The following MT4 variants were observed in gnomAD, a reference collection of about 807,000 sequenced individuals.
The protein encoded by MT4 is metallothionein-4.
Under a neutral mutation model 9.5 loss-of-function variants are expected in MT4, and 11 were observed. That is an observed-to-expected ratio of 1.16 (90% CI 0.73 to 1.92). The LOEUF is 1.92. Ranked by LOEUF, MT4 falls within the 30% of genes most tolerant of loss-of-function variation. MT4 has a pLI of 0.00. For missense variants in MT4, 88 were observed against 78.7 expected, an observed-to-expected ratio of 1.12 and a Z score of -0.45; for synonymous variants, 29 against 24.6, an observed-to-expected ratio of 1.18 and a Z score of -0.53.
chr16:56,566,323 G>C (rs1959517048), intron 1 of MT4, among the ~76,000 whole-genome samples: 1 of 151,116 alleles, frequency 6.6e-6, no homozygotes, highest in Non-Finnish European at 1.5e-5. Context: ...CAAGGAATTT[G>C]AGACCAGCCT....
chr16:56,567,566 G>A (rs1177325927), intron 1 of MT4, among the ~76,000 whole-genome samples, 185 bp from the exon 2 acceptor site: 1 of 152,162 alleles, frequency 6.6e-6, no homozygotes, highest in Non-Finnish European at 1.5e-5. Context: ...CATGGCCTGT[G>A]ACTGTGGACT....
intron 2 of MT4, among the ~76,000 whole-genome samples, chr16:56,568,291 A>G (rs1282223210): frequency 7.5e-4 from 105 of 140,676 alleles, no homozygotes; most frequent in Middle Eastern, 7.0e-3. Flanking sequence ...GAAAGAAAGA[A>G]AGAAAGAAAG....
chr16:56,568,273 GAAAGAAAGAAAGAAAGAAAGAAAGAA>G (rs1959576156), intron 2 of MT4, among the ~76,000 whole-genome samples: 2 of 99,056 alleles, frequency 2.0e-5, no homozygotes, highest in Admixed American at 9.8e-5. Flanking sequence ...GAGAGAGAGA[GAAAGAAAGAAAGAAAGAAAGAAAGAA>G]AGAAAGAAAG....
chr16:56,566,012 T>A (rs896581177), intron 1 of MT4, among the ~76,000 whole-genome samples: 2 of 150,584 alleles, frequency 1.3e-5, no homozygotes, highest in Non-Finnish European at 3.0e-5. Flanking sequence ...TGCAGCAAAC[T>A]AGGAATGCAC....
chr16:56,567,880 C>A, intron 2 of MT4, 64 bp downstream of exon 2: 2 of 1,375,920 alleles, frequency 1.5e-6, no homozygotes, highest in South Asian at 1.2e-5. Context: ...AGGCCAGGTG[C>A]AGTGGCTCAC....
intron 1 of MT4, among the ~76,000 whole-genome samples, chr16:56,565,903 A>AT (rs34372171): frequency 1.3e-5 from 2 of 151,594 alleles, no homozygotes; most frequent in African/African-American, 4.8e-5. Flanking sequence ...ATGTCTACAA[A>AT]TTTTTTTTAA....
chr16:56,568,247 GAAAGAA>G (rs1330557678), intron 2 of MT4, among the ~76,000 whole-genome samples: 412 of 33,620 alleles, frequency 0.012, 14 homozygotes, highest in East Asian at 0.051. Flanking sequence ...AAGAAAGAAA[GAAAGAA>G]AGAAAGAGAG....
intron 1 of MT4, among the ~76,000 whole-genome samples, chr16:56,566,761 GGAAGGAAGGAAA>G (rs1959530382): frequency 1.7e-5 from 1 of 60,540 alleles, no homozygotes; most frequent in Admixed American, 2.2e-4. Context: ...AAGGAAGGAA[GGAAGGAAGGAAA>G]GAAAGAAAGA....
At chr16:56,565,545 C>T (rs1231135325) in intron 1 of MT4, among the ~76,000 whole-genome samples, 1 of 152,214 alleles carries the variant, frequency 6.6e-6, no homozygotes, top group Non-Finnish European at 1.5e-5. Flanking sequence ...GTTTCCTCAC[C>T]TGTAGACTGA....
At position 56,566,769 on chromosome 16, in the gene MT4, GGAAAGAAA is replaced by G. The variant is rs1162747493; in HGVS notation, c.32-937_32-930del. Among the ~76,000 whole-genome samples, 87 of 36,930 alleles carry G rather than the reference GGAAAGAAA, an allele frequency of 2.4e-3. No homozygotes were observed. The East Asian group carries it at 0.033, about 14-fold the overall frequency. The allele number at this position is 36,930 out of a possible 152,430, so 24.2% of individuals were successfully genotyped here. A position where few individuals can be genotyped will look rare whatever the true frequency, so the allele number is the denominator to read the frequency against. ...AAGAAGGAAGGAAGGAAGGAAGGAA[GGAAAGAAA>G]GAAAGAAAGAAAGAAAGAAAGAAAG... On this transcript the variant is annotated intron_variant, in intron 1 of 2. Coordinates refer to ENST00000219162, the MANE Select transcript of MT4 (RefSeq NM_032935.3).
chr16:56,568,197 AAGAGAGAGAG>A (rs369467435), intron 2 of MT4, among the ~76,000 whole-genome samples: 2 of 93,718 alleles, frequency 2.1e-5, no homozygotes, highest in South Asian at 5.1e-4. Context: ...GGAAGGAAGG[AAGAGAGAGAG>A]AGAGAGAGAA....
In MT4 at chr16:56,565,173, C is replaced by G. The variant is rs1307519634; in HGVS notation, c.31+14C>G. 6.2e-7 allele frequency: 1 copy of G among 1,610,176 alleles called. No homozygotes were observed. The highest frequency in any genetic ancestry group is 8.5e-7 in the Non-Finnish European group (1 of 1,178,282). On this transcript the variant is annotated intron_variant, in intron 1 of 2. Coordinates refer to ENST00000219162, the MANE Select transcript of MT4 (RefSeq NM_032935.3). ...TCTGCATGTCTGGTGAGTAAAGAAG[C>G]CCTCCCTGGGGTCTGGGAACCTTGG...
chr16:56,568,279 A>G (rs866609058), intron 2 of MT4, among the ~76,000 whole-genome samples: 2,766 of 108,316 alleles, frequency 0.026, 44 homozygotes, highest in Non-Finnish European at 0.031. Context: ...GAGAGAAAGA[A>G]AGAAAGAAAG....
At chr16:56,565,373 G>C (rs1959503816) in intron 1 of MT4, among the ~76,000 whole-genome samples, 2 of 152,248 alleles carry the variant, frequency 1.3e-5, no homozygotes, top group Non-Finnish European at 2.9e-5. Context: ...TCCTAGCTCA[G>C]GGAATGGCTG....
intron 2 of MT4, among the ~76,000 whole-genome samples, chr16:56,568,213 GAGAA>G (rs796608259): frequency 1.4e-4 from 6 of 44,246 alleles, no homozygotes; most frequent in African/African-American, 4.9e-4. Flanking sequence ...GAGAGAGAGA[GAGAA>G]AGAAAGAAAG....
rs779895274 is a variant in MT4, at chr16:56,566,700, G to GAGAA, written c.32-1006_32-1003dup. Among the ~76,000 whole-genome samples, 113 of 73,436 alleles carry GAGAA rather than the reference G, an allele frequency of 1.5e-3. 3 individuals carry two copies. The highest frequency in any genetic ancestry group is 6.1e-3 in the African/African-American group (101 of 16,590). 48.2% of individuals were successfully genotyped at this position (73,436 alleles called of 152,430 possible). On this transcript the variant is annotated intron_variant, in intron 1 of 2. Coordinates refer to ENST00000219162, the MANE Select transcript of MT4 (RefSeq NM_032935.3). Reference sequence around the variant, plus strand: ...GAGAAAAAGAAAAGAAAGAAAGAAAGAGAAAGAAAGAAAGAAAGAAAGAAA... The same window carrying GAGAA: ...GAGAAAAAGAAAAGAAAGAAAGAAAGAGAAAGAAAGAAAGAAAGAAAGAAAGAAA...
At position 56,568,808 on chromosome 16, in the gene MT4, A is replaced by C. The variant is rs771594163; in HGVS notation, c.98-33A>C. On this transcript the variant is annotated intron_variant, in intron 2 of 2. Transcript: ENST00000219162. ...AGTGGTGAGATGGAAGTGTTGACCCACAGCGGATCTGCGCATCTCCTGACT... is the reference window on the plus strand; with the variant it reads ...AGTGGTGAGATGGAAGTGTTGACCCCCAGCGGATCTGCGCATCTCCTGACT... 6.7e-6 allele frequency: 10 copies of C among 1,488,182 alleles called. No individual in the cohort carries two copies. In the East Asian group the frequency reaches 1.9e-4, roughly 28 times the overall value. 92.2% of individuals were successfully genotyped at this position (1,488,182 alleles called of 1,614,324 possible).
chr16:56,567,913 G>A, intron 2 of MT4, 97 bp downstream of exon 2: 1 of 1,009,798 alleles, frequency 9.9e-7, no homozygotes, highest in Non-Finnish European at 1.5e-6. Flanking sequence ...AGCACTTTGG[G>A]AGGCCGAGGC....
At chr16:56,568,625 CT>C (rs749843321) in intron 2 of MT4, among the ~76,000 whole-genome samples, 30 of 152,198 alleles carry the variant, frequency 2.0e-4, no homozygotes, top group Non-Finnish European at 4.4e-4. Context: ...GGCAAACCCC[CT>C]CCCTTCTGTG....
Sources: allele counts gnomAD v4.1 joint callset (sites outside exome capture counted in the v4.1 genomes callset), GRCh38; gene constraint gnomAD v4.1.1; transcripts MANE v1.5; gene names NCBI Gene and HGNC (gene_info 2026-07-23, HGNC 2026-07-21).